Variants in PRKN observed in about 807,000 individuals in gnomAD.
The protein encoded by PRKN is E3 ubiquitin-protein ligase parkin.
Under a neutral mutation model 59.5 loss-of-function variants are expected in PRKN, and 56 were observed. That is an observed-to-expected ratio of 0.94 (90% CI 0.76 to 1.18). The LOEUF is 1.18. Ranked by LOEUF, PRKN falls within the 50% of genes most tolerant of loss-of-function variation. PRKN has a pLI of 0.00. For missense variants in PRKN, 657 were observed against 596.4 expected, an observed-to-expected ratio of 1.10 and a Z score of -1.06; for synonymous variants, 250 against 222.1, an observed-to-expected ratio of 1.13 and a Z score of -1.12.
chr6:161,599,054 G>C (rs1782018339), intron 7 of PRKN, among the ~76,000 whole-genome samples: 1 of 152,168 alleles, frequency 6.6e-6, no homozygotes, highest in South Asian at 2.1e-4. Context: ...ACAAGCCGAG[G>C]AATGCCGACT....
chr6:161,434,121 C>T (rs1212048004), intron 9 of PRKN, among the ~76,000 whole-genome samples: 2 of 152,036 alleles, frequency 1.3e-5, no homozygotes, highest in African/African-American at 2.4e-5. Context: ...TGAGGAGGTA[C>T]ATTGTTTTCA....
At chr6:162,194,931 T>C (rs1309611898) in intron 4 of PRKN, among the ~76,000 whole-genome samples, 5 of 151,904 alleles carry the variant, frequency 3.3e-5, no homozygotes, top group African/African-American at 7.3e-5. Flanking sequence ...GAAAAGGAGA[T>C]GAAGTAAGAA....
At chr6:162,238,712 T>C (rs1317950618) in intron 3 of PRKN, among the ~76,000 whole-genome samples, 3 of 152,140 alleles carry the variant, frequency 2.0e-5, no homozygotes, top group South Asian at 2.1e-4. Flanking sequence ...TAGAATATTC[T>C]GTTGTTTTTC....
chr6:162,503,106 T>C (rs1481566578), intron 1 of PRKN, among the ~76,000 whole-genome samples: 1 of 150,798 alleles, frequency 6.6e-6, no homozygotes, highest in Admixed American at 6.6e-5. Context: ...AATGGCGAAT[T>C]TGGCACCCTA....
chr6:162,294,233 C>T (rs896605260), intron 2 of PRKN, among the ~76,000 whole-genome samples: 2 of 152,208 alleles, frequency 1.3e-5, no homozygotes, highest in Admixed American at 6.5e-5. Context: ...CTCCAAGTAC[C>T]CGAGCCAAAA....
chr6:162,563,028 C>A (rs1474231716), intron 1 of PRKN, among the ~76,000 whole-genome samples: 1 of 152,174 alleles, frequency 6.6e-6, no homozygotes, highest in Non-Finnish European at 1.5e-5. Context: ...GAGAGCCGGG[C>A]GCAGTGGCTC....
rs564475746 is a variant in PRKN, at chr6:161,993,748, G to A, written c.619-20331C>T. Among the ~76,000 whole-genome samples the A allele has an allele frequency of 7.9e-5, 12 of 152,260 alleles. No homozygotes were observed. The East Asian group carries it at 2.1e-3, about 27-fold the overall frequency. ...AAGAACAGGGGTTTATTTGACTTACGGTTCTGCAAGCTGTAAAAGAAGCAC... is the reference window on the plus strand; with the variant it reads ...AAGAACAGGGGTTTATTTGACTTACAGTTCTGCAAGCTGTAAAAGAAGCAC... On this transcript the variant is annotated intron_variant, in intron 5 of 11. Transcript: ENST00000366898.
chr6:161,807,051 TA>T (rs1279128987), intron 6 of PRKN, among the ~76,000 whole-genome samples: 1 of 152,262 alleles, frequency 6.6e-6, no homozygotes, highest in Non-Finnish European at 1.5e-5. Context: ...TGTTAAACTT[TA>T]AAAATAGTCT....
chr6:162,111,783 C>T (rs914751828), intron 4 of PRKN, among the ~76,000 whole-genome samples: 2 of 152,000 alleles, frequency 1.3e-5, no homozygotes, highest in Non-Finnish European at 2.9e-5. Flanking sequence ...TGAATTAAAT[C>T]GTTTTTCAGT....
chr6:161,899,662 G>A (rs114016392), intron 6 of PRKN, among the ~76,000 whole-genome samples: 251 of 152,178 alleles, frequency 1.6e-3, no homozygotes, highest in African/African-American at 5.2e-3. Flanking sequence ...GCTTATCTTC[G>A]AATGGGTCAG....
chr6:161,420,754 C>T (rs1428420283), intron 9 of PRKN, among the ~76,000 whole-genome samples: 1 of 152,038 alleles, frequency 6.6e-6, no homozygotes, highest in Non-Finnish European at 1.5e-5. Flanking sequence ...CAGTGATTTC[C>T]CCCCCACATC....
intron 7 of PRKN, among the ~76,000 whole-genome samples, chr6:161,629,041 A>C (rs1783198599): frequency 6.6e-6 from 1 of 152,210 alleles, no homozygotes; most frequent in East Asian, 1.9e-4. Context: ...GAGCTGGAAG[A>C]CACTAGGCAC....
intron 1 of PRKN, among the ~76,000 whole-genome samples, chr6:162,597,654 G>C (rs1781542786): frequency 6.6e-6 from 1 of 152,022 alleles, no homozygotes; most frequent in African/African-American, 2.4e-5. Flanking sequence ...CTCCAATCTT[G>C]ATTCTTACTC....
rs1339507093 is a variant in PRKN, at chr6:161,356,173, G to C, written c.1285+3915C>G. 6.6e-6 allele frequency among the ~76,000 whole-genome samples: 1 copy of C among 152,250 alleles called. No individual in the cohort carries two copies. The highest frequency in any genetic ancestry group is 1.5e-5 in the Non-Finnish European group (1 of 68,040). ...GAGGTGATTTCCCAGAGGGCTCAAG[G>C]CCATCCACAGGCAGGCCCCCTGCAG... is the stretch of plus-strand genomic sequence containing the variant. On this transcript the variant is annotated intron_variant, in intron 11 of 11. Coordinates refer to ENST00000366898, the MANE Select transcript of PRKN (RefSeq NM_004562.3). This position sits in a 1 kb window ranked among gnomAD's most constrained non-coding sequence, Gnocchi z 7.8.
chr6:162,008,254 C>T (rs986568519), intron 5 of PRKN, among the ~76,000 whole-genome samples: 5 of 152,176 alleles, frequency 3.3e-5, no homozygotes, highest in East Asian at 1.9e-4. Context: ...GACACGGAGA[C>T]GTGTGCTTGG....
At chr6:161,854,376 G>A (rs1231275462) in intron 6 of PRKN, among the ~76,000 whole-genome samples, 1 of 152,048 alleles carries the variant, frequency 6.6e-6, no homozygotes, top group East Asian at 1.9e-4. Context: ...AAATGCATAT[G>A]TGATGAAATG....
intron 4 of PRKN, among the ~76,000 whole-genome samples, chr6:162,069,988 T>C (rs893232768): frequency 3.9e-5 from 6 of 152,348 alleles, no homozygotes; most frequent in Middle Eastern, 3.4e-3. Flanking sequence ...GGCAATGGCA[T>C]CACCTTGCAT....
intron 5 of PRKN, among the ~76,000 whole-genome samples, chr6:162,025,583 CTTTTTTTT>C (rs1177676968): frequency 5.1e-5 from 3 of 59,006 alleles, no homozygotes; most frequent in Non-Finnish European, 8.4e-5. Flanking sequence ...ATCCATGGTG[CTTTTTTTT>C]TTTTTTTTTT....
intron 7 of PRKN, among the ~76,000 whole-genome samples, chr6:161,760,777 G>A (rs1297541550): frequency 2.6e-5 from 4 of 152,184 alleles, no homozygotes; most frequent in Admixed American, 2.6e-4. Flanking sequence ...CAATGCAAAA[G>A]AATCATGAGC....
Sources: allele counts gnomAD v4.1 joint callset (sites outside exome capture counted in the v4.1 genomes callset), GRCh38; gene constraint gnomAD v4.1.1; non-coding constraint Gnocchi (gnomAD v3.1); transcripts MANE v1.5; gene names NCBI Gene and HGNC (gene_info 2026-07-23, HGNC 2026-07-21).